MAPK4: variants seen among roughly 807,000 people sequenced by gnomAD.
MAPK4 encodes the protein Erk3-related.
MAPK4 carries 22 observed loss-of-function variants against 47.7 expected under a neutral mutation model. That is an observed-to-expected ratio of 0.46 (90% CI 0.33 to 0.66). MAPK4 has a LOEUF of 0.66. Ranked by LOEUF, MAPK4 falls within the 30% of genes least tolerant of loss-of-function variation. MAPK4 has a pLI of 0.02. For missense variants in MAPK4, 736 were observed against 831.7 expected, an observed-to-expected ratio of 0.88 and a Z score of 1.42; for synonymous variants, 390 against 365.7, an observed-to-expected ratio of 1.07 and a Z score of -0.76.
At chr18:50,662,137 G>A (rs936537053) in intron 1 of MAPK4, among the ~76,000 whole-genome samples, 5 of 152,214 alleles carry the variant, frequency 3.3e-5, no homozygotes, top group Admixed American at 6.5e-5. Flanking sequence ...GAGGCCCTGC[G>A]ATATGAGAAT....
chr18:50,607,030 G>T (rs562392751), intron 1 of MAPK4, among the ~76,000 whole-genome samples: 2 of 152,210 alleles, frequency 1.3e-5, no homozygotes, highest in African/African-American at 2.4e-5. Flanking sequence ...AAGCCAGTGC[G>T]ATTTTGATGC....
At chr18:50,599,323 T>G (rs1162159396) in intron 1 of MAPK4, among the ~76,000 whole-genome samples, 1 of 152,238 alleles carries the variant, frequency 6.6e-6, no homozygotes, top group Non-Finnish European at 1.5e-5. Context: ...ATCAGTCTTT[T>G]TACCTCACTT....
chr18:50,649,487 G>C (rs2043025159), intron 1 of MAPK4, among the ~76,000 whole-genome samples: 1 of 152,110 alleles, frequency 6.6e-6, no homozygotes, highest in Admixed American at 6.5e-5. Context: ...CCTCCAGGTG[G>C]GAAGTGATCA....
chr18:50,653,055 G>A (rs976892479), intron 1 of MAPK4, among the ~76,000 whole-genome samples: 2 of 152,078 alleles, frequency 1.3e-5, no homozygotes, highest in African/African-American at 4.8e-5. Context: ...TGGACACAGT[G>A]GCATGCACCT....
At chr18:50,624,506 C>G (rs1185403812) in intron 1 of MAPK4, among the ~76,000 whole-genome samples, 1 of 152,110 alleles carries the variant, frequency 6.6e-6, no homozygotes, top group African/African-American at 2.4e-5. Flanking sequence ...ATATAACTTA[C>G]AAGATAGTAT....
At chr18:50,617,049 T>C (rs1256821189) in intron 1 of MAPK4, among the ~76,000 whole-genome samples, 2 of 152,230 alleles carry the variant, frequency 1.3e-5, no homozygotes, top group Non-Finnish European at 2.9e-5. Context: ...CCATCAACTT[T>C]ATCTCTAAGG....
intron 1 of MAPK4, among the ~76,000 whole-genome samples, chr18:50,580,268 T>A (rs2042332000): frequency 6.6e-6 from 1 of 152,138 alleles, no homozygotes; most frequent in Non-Finnish European, 1.5e-5. Context: ...CATCAAGCAA[T>A]AGGTCACCTT....
chr18:50,567,202 T>C (rs562871782), intron 1 of MAPK4, among the ~76,000 whole-genome samples: 54 of 152,292 alleles, frequency 3.5e-4, no homozygotes, highest in African/African-American at 1.3e-3. Context: ...CAACCTGTCA[T>C]CTACATTAGG....
chr18:50,586,738 A>C (rs1055918577), intron 1 of MAPK4, among the ~76,000 whole-genome samples: 11 of 152,116 alleles, frequency 7.2e-5, no homozygotes, highest in Non-Finnish European at 1.5e-4. Context: ...GTAGAAAATA[A>C]AAAAGGGTCT....
intron 2 of MAPK4, among the ~76,000 whole-genome samples, chr18:50,667,599 A>T (rs1304489268): frequency 6.6e-6 from 1 of 152,162 alleles, no homozygotes; most frequent in Non-Finnish European, 1.5e-5. Context: ...GAAGAAGACC[A>T]TGCTCACCTG....
intron 1 of MAPK4, among the ~76,000 whole-genome samples, chr18:50,564,891 T>G (rs371430947): frequency 1.3e-5 from 2 of 152,178 alleles, no homozygotes; most frequent in African/African-American, 4.8e-5. Context: ...GATGCTTATG[T>G]AATTTGATGG....
chr18:50,647,736 GC>G, intron 1 of MAPK4, among the ~76,000 whole-genome samples: 1 of 152,022 alleles, frequency 6.6e-6, no homozygotes. Context: ...CACAGTTCCT[GC>G]CTGCTGTGCC....
intron 1 of MAPK4, among the ~76,000 whole-genome samples, chr18:50,619,303 G>A (rs1039255271): frequency 1.3e-5 from 2 of 152,094 alleles, no homozygotes; most frequent in Non-Finnish European, 2.9e-5. Context: ...AAATTAAACT[G>A]GACCCAGAAT....
chr18:50,696,621 T>G (rs1328641965), intron 2 of MAPK4, among the ~76,000 whole-genome samples: 1 of 152,228 alleles, frequency 6.6e-6, no homozygotes, highest in Non-Finnish European at 1.5e-5. Context: ...ATCTTCCGGC[T>G]GAAAGCCAGA....
intron 1 of MAPK4, among the ~76,000 whole-genome samples, chr18:50,625,903 CACACACACACACACACACACACACAT>C (rs2042773294): frequency 7.0e-6 from 1 of 141,922 alleles, no homozygotes; most frequent in Non-Finnish European, 1.5e-5. Flanking sequence ...CACACACACA[CACACACACACACACACACACACACAT>C]ATATAATGAC....
rs117304146 is a variant in MAPK4 at position 50,724,760 on chromosome 18, T to C, written c.854-1202T>C. ...TTCTTGCAAAGAGATACAGGGCTGG[T>C]GTGAGGGGCAGGTTAATGGTGCAGG... is the stretch of plus-strand genomic sequence containing the variant. On this transcript the variant is annotated intron_variant, in intron 4 of 5. Coordinates refer to ENST00000400384, the MANE Select transcript of MAPK4 (RefSeq NM_002747.4). Among the ~76,000 whole-genome samples the C allele has an allele frequency of 9.5e-3, 1,454 of 152,332 alleles. 10 individuals are homozygous for C. Among genetic ancestry groups the C allele is most frequent in the Non-Finnish European group, 0.015 (1,043 of 68,018 alleles).
At chr18:50,584,729 G>A (rs1301265932) in intron 1 of MAPK4, among the ~76,000 whole-genome samples, 3 of 152,196 alleles carry the variant, frequency 2.0e-5, no homozygotes, top group Non-Finnish European at 4.4e-5. Flanking sequence ...TCTATTCCTT[G>A]TATTTATCTT....
intron 1 of MAPK4, among the ~76,000 whole-genome samples, chr18:50,643,015 C>T (rs1394764882): frequency 6.6e-6 from 1 of 152,218 alleles, no homozygotes; most frequent in African/African-American, 2.4e-5. Context: ...CAACTTTTAG[C>T]AGCAGCTCTC....
chr18:50,683,617 G>A (rs559467258), intron 2 of MAPK4, among the ~76,000 whole-genome samples: 1 of 152,268 alleles, frequency 6.6e-6, no homozygotes, highest in East Asian at 1.9e-4. Context: ...TATGGTCTAG[G>A]TGTTGGAGAT....
Sources: allele counts gnomAD v4.1 joint callset (sites outside exome capture counted in the v4.1 genomes callset), GRCh38; gene constraint gnomAD v4.1.1; transcripts MANE v1.5; gene names NCBI Gene and HGNC (gene_info 2026-07-23, HGNC 2026-07-21).